LAMA2: variants seen among roughly 807,000 people sequenced by gnomAD.
LAMA2 encodes laminin subunit alpha-2.
A neutral mutation model predicts 364.8 loss-of-function variants in LAMA2; 269 were observed. The observed-to-expected ratio is 0.74, with a 90% CI of 0.67 to 0.82. The LOEUF (loss-of-function observed/expected upper bound fraction) is 0.82. Among genes scored for constraint, LAMA2 ranks in the 40% least tolerant of loss-of-function variants. The pLI, the probability that LAMA2 is intolerant of heterozygous loss-of-function variation, is 0.00. For synonymous variants in LAMA2, 1,379 were observed against 1,370.6 expected, an observed-to-expected ratio of 1.01 and a Z score of -0.14; for missense variants, 3,807 against 3,873.2, an observed-to-expected ratio of 0.98 and a Z score of 0.45.
intron 1 of LAMA2, among the ~76,000 whole-genome samples, chr6:129,021,075 T>A (rs1785421258): frequency 6.6e-6 from 1 of 152,220 alleles, no homozygotes; most frequent in Non-Finnish European, 1.5e-5. Flanking sequence ...ACAACTTTAA[T>A]TCCCAAGTAA....
At position 129,453,142 on chromosome 6, in the gene LAMA2, T is replaced by C; in HGVS notation, c.6573+11T>C. The C allele has an allele frequency of 1.2e-6, 2 of 1,610,112 alleles. No homozygotes were observed. The highest frequency in any genetic ancestry group is 1.1e-5 in the South Asian group (1 of 90,994). On this transcript the variant is annotated intron_variant, in intron 46 of 64. Coordinates refer to ENST00000421865, the MANE Select transcript of LAMA2 (RefSeq NM_000426.4). ...GGAAGTGCCAAATTTGTAAGTCTAA[T>C]ATTCAACTTTTCATTAGGCTGCTGT... is the stretch of plus-strand genomic sequence containing the variant.
At position 129,300,847 on chromosome 6, in the gene LAMA2, G is replaced by A. The variant is rs761896371; in HGVS notation, c.3149G>A (p.Gly1050Asp). 2 of 1,613,684 alleles carry A rather than the reference G, an allele frequency of 1.2e-6. No homozygotes were observed. The highest frequency in any genetic ancestry group is 1.7e-5 in the Admixed American group (1 of 59,980). Residue 1050 changes from glycine to aspartate, a missense_variant, in exon 22 of 65, where the codon GGC becomes GAC. By Grantham distance (94) the Gly-to-Asp change is moderately conservative (BLOSUM62 -1). Transcript: ENST00000421865. ...KCSKCAPNTWGHSITTGCKAC... is the reference protein window; with the variant it reads ...KCSKCAPNTWDHSITTGCKAC... ...TCTAAATGTGCACCCAATACCTGGGGCCACAGCATTACCACTGGTTGTAAG... is the reference window on the plus strand; with the variant it reads ...TCTAAATGTGCACCCAATACCTGGGACCACAGCATTACCACTGGTTGTAAG...
rs183137403 is a variant in LAMA2 at position 129,078,595 on chromosome 6, A to G, written c.396+18699A>G. Among the ~76,000 whole-genome samples the G allele has an allele frequency of 3.3e-5, 5 of 152,332 alleles. No homozygotes were observed. In the East Asian group the frequency reaches 9.6e-4, roughly 29 times the overall value. On this transcript the variant is annotated intron_variant, in intron 3 of 64. Transcript: ENST00000421865. Reference sequence around the variant, plus strand: ...CATGCAATGTTTAACACTTTGGACCATATTATCACTTATGGTTAGCCTCTT... The same window carrying G: ...CATGCAATGTTTAACACTTTGGACCGTATTATCACTTATGGTTAGCCTCTT...
At position 129,048,481 on chromosome 6, in the gene LAMA2, TTTCTTTCTTTCTTTCCTTCC is replaced by T. The variant is rs1407658101; in HGVS notation, c.113-1433_113-1414del. On this transcript the variant is annotated intron_variant, in intron 1 of 64. Coordinates refer to ENST00000421865, the MANE Select transcript of LAMA2 (RefSeq NM_000426.4). ...CTTTCTTTCTTTCTTTCTTTCTTTC[TTTCTTTCTTTCTTTCCTTCC>T]TTCCTTCCTTCCTTCCTTCCTTCCT... Among the ~76,000 whole-genome samples, 602 of 76,502 alleles carry T rather than the reference TTTCTTTCTTTCTTTCCTTCC, an allele frequency of 7.9e-3. 1 individual carries two copies. Among genetic ancestry groups the T allele is most frequent in the Non-Finnish European group, 0.011 (421 of 37,446 alleles). 50.2% of individuals were successfully genotyped at this position (76,502 alleles called of 152,430 possible).
chr6:129,486,364 C>A, intron 55 of LAMA2, 110 bp from the exon 56 acceptor site: 2 of 998,640 alleles, frequency 2.0e-6, no homozygotes, highest in Non-Finnish European at 3.2e-6. Context: ...GTCTTAATTT[C>A]TCAGGTAAGA....
chr6:128,931,015 G>A (rs1439210239), intron 1 of LAMA2, among the ~76,000 whole-genome samples: 3 of 152,018 alleles, frequency 2.0e-5, no homozygotes, highest in Admixed American at 6.6e-5. Context: ...ATCTCTATGA[G>A]GCTTTTTCTG....
At chr6:128,962,251 A>C (rs1398469141) in intron 1 of LAMA2, among the ~76,000 whole-genome samples, 1 of 147,610 alleles carries the variant, frequency 6.8e-6, no homozygotes, top group Non-Finnish European at 1.5e-5. Flanking sequence ...TTTGTAGGTT[A>C]TAATAGCATT....
intron 14 of LAMA2, among the ~76,000 whole-genome samples, chr6:129,257,727 A>G (rs1014215147): frequency 2.6e-5 from 4 of 152,134 alleles, no homozygotes; most frequent in Admixed American, 1.3e-4. Flanking sequence ...GTGACAGTCC[A>G]TTAATTCCAG....
chr6:129,208,812 G>A (rs1782892928), intron 12 of LAMA2, among the ~76,000 whole-genome samples: 1 of 152,020 alleles, frequency 6.6e-6, no homozygotes, highest in Non-Finnish European at 1.5e-5. Flanking sequence ...AGAAATAAAT[G>A]CAGCAGGAAA....
intron 1 of LAMA2, among the ~76,000 whole-genome samples, chr6:128,980,863 A>G (rs914561857): frequency 6.6e-6 from 1 of 152,224 alleles, no homozygotes; most frequent in Non-Finnish European, 1.5e-5. Flanking sequence ...CTTTTGATCA[A>G]TACTAATGAA....
At chr6:128,891,737 A>G (rs762068658) in intron 1 of LAMA2, among the ~76,000 whole-genome samples, 11 of 152,090 alleles carry the variant, frequency 7.2e-5, no homozygotes, top group Non-Finnish European at 1.6e-4. Flanking sequence ...TTGCTTATAT[A>G]CTTAAACACA....
At chr6:129,427,681 C>G (rs1277115338) in intron 40 of LAMA2, 71 bp from the exon 41 acceptor site, 36 of 1,082,432 alleles carry the variant, frequency 3.3e-5, no homozygotes, top group Non-Finnish European at 4.6e-5. Context: ...TGTGTACCAA[C>G]TGCCTTCTGG....
chr6:129,440,041 T>C (rs1238019631), intron 42 of LAMA2, among the ~76,000 whole-genome samples: 1 of 152,006 alleles, frequency 6.6e-6, no homozygotes, highest in Non-Finnish European at 1.5e-5. Context: ...GATACTGTTA[T>C]TATCCCCACT....
intron 53 of LAMA2, among the ~76,000 whole-genome samples, 170 bp from the exon 54 acceptor site, chr6:129,478,523 G>T (rs748927600): frequency 8.7e-4 from 132 of 152,128 alleles, no homozygotes; most frequent in Non-Finnish European, 1.7e-3. Flanking sequence ...CATCCATTTA[G>T]ACCAACCAGT....
chr6:129,278,835 T>TA (rs745658970), intron 17 of LAMA2, among the ~76,000 whole-genome samples: 5 of 152,150 alleles, frequency 3.3e-5, no homozygotes, highest in Non-Finnish European at 7.4e-5. Flanking sequence ...TACCTGGTCC[T>TA]AATACCTTGC....
chr6:129,041,245 A>G (rs560151851), intron 1 of LAMA2, among the ~76,000 whole-genome samples: 3 of 152,306 alleles, frequency 2.0e-5, no homozygotes, highest in African/African-American at 7.2e-5. Flanking sequence ...TTGTTCAATG[A>G]ATTTCTCATT....
chr6:129,335,697 C>A (rs534592329), intron 29 of LAMA2, among the ~76,000 whole-genome samples: 17 of 152,084 alleles, frequency 1.1e-4, no homozygotes, highest in Non-Finnish European at 2.9e-5. Context: ...GTTTTGTAAA[C>A]CTTATTTAAT....
chr6:129,436,992 C>A (rs1182059657), intron 41 of LAMA2: 1 of 152,074 alleles, frequency 6.6e-6, no homozygotes, highest in East Asian at 1.9e-4. Context: ...TCTCTGATTT[C>A]TGTAACTGTG....
intron 34 of LAMA2, among the ~76,000 whole-genome samples, chr6:129,380,261 A>G (rs940591578): frequency 1.3e-5 from 2 of 152,170 alleles, no homozygotes; most frequent in African/African-American, 4.8e-5. Flanking sequence ...TATGAACAAA[A>G]TCTTTTTTTG....
Sources: allele counts gnomAD v4.1 joint callset (sites outside exome capture counted in the v4.1 genomes callset), GRCh38; gene constraint gnomAD v4.1.1; transcripts MANE v1.5; gene names NCBI Gene and HGNC (gene_info 2026-07-23, HGNC 2026-07-21).